Variants in CTNNA3 observed in about 807,000 individuals in gnomAD.
The protein encoded by CTNNA3 is catenin alpha 3.
CTNNA3 carries 76 observed loss-of-function variants against 95.7 expected under a neutral mutation model. The ratio of observed to expected loss-of-function variants is 0.79; its 90% CI spans 0.66 to 0.96. The LOEUF is 0.96. Among genes scored for constraint, CTNNA3 ranks in the 40% least tolerant of loss-of-function variants. CTNNA3 has a pLI of 0.00. For missense variants in CTNNA3, 1,191 were observed against 1,089.8 expected, an observed-to-expected ratio of 1.09 and a Z score of -1.31; for synonymous variants, 431 against 374.4, an observed-to-expected ratio of 1.15 and a Z score of -1.74.
intron 12 of CTNNA3, among the ~76,000 whole-genome samples, chr10:66,327,679 C>A (rs917494621): frequency 6.6e-6 from 1 of 151,828 alleles, no homozygotes; most frequent in Non-Finnish European, 1.5e-5. Flanking sequence ...ATTCTTAGGA[C>A]CCTATAATAT....
At chr10:67,399,060 C>T (rs1371674783) in intron 5 of CTNNA3, among the ~76,000 whole-genome samples, 1 of 151,894 alleles carries the variant, frequency 6.6e-6, no homozygotes, top group African/African-American at 2.4e-5. Flanking sequence ...AGGCCTTCAT[C>T]CTTGTTGTCT....
intron 11 of CTNNA3, among the ~76,000 whole-genome samples, chr10:66,511,739 G>A: frequency 6.6e-6 from 1 of 151,712 alleles, no homozygotes; most frequent in Non-Finnish European, 1.5e-5. Context: ...TGGTATAATT[G>A]CATTTTTGAA....
intron 1 of CTNNA3, among the ~76,000 whole-genome samples, chr10:67,660,268 A>C (rs1484806046): frequency 6.6e-6 from 1 of 152,216 alleles, no homozygotes; most frequent in Non-Finnish European, 1.5e-5. Context: ...CACATGTTAA[A>C]TATCCTCTCT....
chr10:67,066,507 A>C (rs1856095508), intron 7 of CTNNA3, among the ~76,000 whole-genome samples: 1 of 149,824 alleles, frequency 6.7e-6, no homozygotes, highest in South Asian at 2.1e-4. Flanking sequence ...CTTGCTTTTT[A>C]AGATACAGTT....
chr10:66,911,573 A>C (rs1214216366), intron 7 of CTNNA3, among the ~76,000 whole-genome samples: 1 of 152,218 alleles, frequency 6.6e-6, no homozygotes, highest in Non-Finnish European at 1.5e-5. Flanking sequence ...CAGAATGATT[A>C]TAAGAAATAG....
intron 7 of CTNNA3, among the ~76,000 whole-genome samples, chr10:66,823,226 G>A (rs954123893): frequency 3.3e-5 from 5 of 152,182 alleles, no homozygotes; most frequent in Admixed American, 6.5e-5. Context: ...AATGCCAATG[G>A]TAGACATTAA....
In CTNNA3 at chr10:66,346,062, G is replaced by C. The variant is rs572177654; in HGVS notation, c.1732+33090C>G. Among the ~76,000 whole-genome samples the C allele has an allele frequency of 3.7e-5, 4 of 107,844 alleles. No homozygotes were observed. In the South Asian group the frequency reaches 1.4e-3, roughly 37 times the overall value. The allele number at this position is 107,844 out of a possible 152,430, so 70.7% of individuals were successfully genotyped here. A position where few individuals can be genotyped will look rare whatever the true frequency, so the allele number is the denominator to read the frequency against. ...ACTGCACTCCAGCCTGGGCAACAGA[G>C]AGAGACTCCATCTCAAAAAAAAAAA... On this transcript the variant is annotated intron_variant, in intron 12 of 17. Transcript: ENST00000433211.
intron 3 of CTNNA3, among the ~76,000 whole-genome samples, chr10:67,586,192 G>C (rs1378689462): frequency 2.0e-5 from 3 of 151,976 alleles, no homozygotes; most frequent in Non-Finnish European, 2.9e-5. Flanking sequence ...GAAGATACTT[G>C]ATATGATTTC....
chr10:66,940,140 G>A (rs918721389), intron 7 of CTNNA3, among the ~76,000 whole-genome samples: 4 of 152,084 alleles, frequency 2.6e-5, no homozygotes, highest in South Asian at 2.1e-4. Flanking sequence ...GCTCCAGAGC[G>A]CATAGTTTGA....
chr10:66,825,756 G>C (rs1314422845), intron 7 of CTNNA3, among the ~76,000 whole-genome samples: 1 of 151,990 alleles, frequency 6.6e-6, no homozygotes, highest in African/African-American at 2.4e-5. Flanking sequence ...GGTCAAAGAA[G>C]TCATCTCACT....
intron 11 of CTNNA3, among the ~76,000 whole-genome samples, chr10:66,514,777 A>G (rs957062511): frequency 1.3e-5 from 2 of 152,168 alleles, no homozygotes; most frequent in Non-Finnish European, 2.9e-5. Flanking sequence ...ATCAGTTCTT[A>G]GTAATTGTTG....
intron 5 of CTNNA3, among the ~76,000 whole-genome samples, chr10:67,501,796 T>C (rs554860226): frequency 3.5e-4 from 54 of 152,324 alleles, no homozygotes; most frequent in African/African-American, 1.2e-3. Flanking sequence ...GTTTTCATGC[T>C]GTGTTTTTCA....
chr10:66,881,103 A>G (rs757960827), intron 7 of CTNNA3, among the ~76,000 whole-genome samples: 13 of 152,016 alleles, frequency 8.6e-5, no homozygotes, highest in Admixed American at 8.5e-4. Context: ...GTTTTTCCAA[A>G]TCATTCTAAT....
intron 13 of CTNNA3, among the ~76,000 whole-genome samples, chr10:66,144,633 A>G (rs1589542834): frequency 6.6e-6 from 1 of 152,018 alleles, no homozygotes; most frequent in East Asian, 1.9e-4. Context: ...GATTACAGGG[A>G]CCAGCCACCA....
chr10:67,647,305 A>G (rs1589530324), intron 2 of CTNNA3, 110 bp downstream of exon 2: 1 of 733,302 alleles, frequency 1.4e-6, no homozygotes, highest in Non-Finnish European at 2.1e-6. Context: ...ATTTTAGATG[A>G]CATATTTATA....
intron 5 of CTNNA3, among the ~76,000 whole-genome samples, chr10:67,345,378 G>A (rs534135337): frequency 6.6e-6 from 1 of 152,170 alleles, no homozygotes; most frequent in East Asian, 1.9e-4. Context: ...TAAGTCCAAT[G>A]TTTCTTTGTT....
chr10:66,972,204 A>G (rs2132832244), intron 7 of CTNNA3, among the ~76,000 whole-genome samples: 1 of 152,314 alleles, frequency 6.6e-6, no homozygotes, highest in South Asian at 2.1e-4. Context: ...ATGAACAAAG[A>G]TTTCTTTCTC....
chr10:67,652,678 A>T (rs891177612), intron 1 of CTNNA3, among the ~76,000 whole-genome samples: 13 of 151,930 alleles, frequency 8.6e-5, no homozygotes, highest in Non-Finnish European at 1.9e-4. Context: ...GAACATATGG[A>T]TTTATATATT....
At chr10:66,239,805 G>C (rs560064191) in intron 13 of CTNNA3, among the ~76,000 whole-genome samples, 1 of 151,894 alleles carries the variant, frequency 6.6e-6, no homozygotes, top group African/African-American at 2.4e-5. Flanking sequence ...CTACTTAACT[G>C]TTAAATTGGG....
Sources: gnomAD v4.1 joint callset for allele counts (sites outside exome capture counted in the v4.1 genomes callset) on GRCh38, gnomAD v4.1.1 for gene constraint, MANE v1.5 for transcripts, NCBI Gene and HGNC (gene_info 2026-07-23, HGNC 2026-07-21) for gene names.